The following KDM4B variants were observed in gnomAD, a reference collection of about 807,000 sequenced individuals.
The protein encoded by KDM4B is lysine-specific demethylase 4B.
In KDM4B, 32 loss-of-function variants were observed where a neutral mutation model predicts 125.2. That is an observed-to-expected ratio of 0.26 (90% CI 0.19 to 0.34). The LOEUF is 0.34. KDM4B is among the 10% of genes least tolerant of loss of function. KDM4B has a pLI of 1.00. For missense variants in KDM4B, 1,190 were observed against 1,577.7 expected, an observed-to-expected ratio of 0.75 and a Z score of 4.16; for synonymous variants, 721 against 677.9, an observed-to-expected ratio of 1.06 and a Z score of -0.99.
intron 7 of KDM4B, 58 bp from the exon 8 acceptor site, chr19:5,077,309 C>T: frequency 1.4e-6 from 2 of 1,475,534 alleles, no homozygotes; most frequent in Middle Eastern, 1.7e-4. Flanking sequence ...GGGCAGCATC[C>T]TCGCTGACCC....
intron 9 of KDM4B, among the ~76,000 whole-genome samples, chr19:5,083,128 C>T (rs1431114451): frequency 3.3e-5 from 5 of 152,292 alleles, no homozygotes; most frequent in South Asian, 2.1e-4. Flanking sequence ...TGGTGATTCT[C>T]GTTCCTGGTC....
At chr19:5,079,761 C>T (rs1599571777) in intron 8 of KDM4B, among the ~76,000 whole-genome samples, 1 of 152,198 alleles carries the variant, frequency 6.6e-6, no homozygotes, top group Non-Finnish European at 1.5e-5. Flanking sequence ...GAGATGGGGT[C>T]TCACTCTGTT....
chr19:5,095,347 G>C (rs1220700461), intron 9 of KDM4B, among the ~76,000 whole-genome samples: 1 of 152,236 alleles, frequency 6.6e-6, no homozygotes, highest in African/African-American at 2.4e-5. Context: ...TAGGCCGGTG[G>C]CTGTGTCTTC....
At chr19:4,974,401 C>A (rs990002275) in intron 1 of KDM4B, among the ~76,000 whole-genome samples, 7 of 151,648 alleles carry the variant, frequency 4.6e-5, no homozygotes, top group Middle Eastern at 3.4e-3. Context: ...GACTCCATCT[C>A]AAAAATAAAT....
intron 11 of KDM4B, among the ~76,000 whole-genome samples, chr19:5,123,319 C>T (rs935344087): frequency 3.3e-5 from 5 of 152,232 alleles, no homozygotes; most frequent in South Asian, 4.1e-4. Flanking sequence ...AGGTGTCAGC[C>T]GGGCTGGCCC....
At chr19:5,024,067 G>A (rs904182780) in intron 2 of KDM4B, among the ~76,000 whole-genome samples, 2 of 152,030 alleles carry the variant, frequency 1.3e-5, no homozygotes, top group Admixed American at 1.3e-4. Flanking sequence ...TTTTTAAACC[G>A]ATTCTTTGTC....
intron 13 of KDM4B, among the ~76,000 whole-genome samples, chr19:5,132,769 C>T (rs940482354): frequency 6.6e-6 from 1 of 152,154 alleles, no homozygotes; most frequent in Non-Finnish European, 1.5e-5. Flanking sequence ...GGAGCATTTG[C>T]CTGTGAGACC....
At chr19:5,104,575 A>G (rs1253049285) in intron 9 of KDM4B, among the ~76,000 whole-genome samples, 1 of 152,018 alleles carries the variant, frequency 6.6e-6, no homozygotes, top group African/African-American at 2.4e-5. Flanking sequence ...TGAACCCGGC[A>G]AAGAGCAGGC....
chr19:5,101,799 G>A (rs754310688), intron 9 of KDM4B, among the ~76,000 whole-genome samples: 4 of 152,178 alleles, frequency 2.6e-5, no homozygotes, highest in Non-Finnish European at 5.9e-5. Flanking sequence ...GGCTGTTATG[G>A]GGGAGCCCAC....
intron 1 of KDM4B, among the ~76,000 whole-genome samples, chr19:5,003,482 AAAAT>A (rs1294870961): frequency 7.1e-6 from 1 of 140,260 alleles, no homozygotes; most frequent in East Asian, 2.6e-4. Context: ...ACTCTGTCTC[AAAAT>A]AAACAAACAA....
intron 7 of KDM4B, among the ~76,000 whole-genome samples, chr19:5,073,673 G>T (rs968102780): frequency 2.0e-5 from 3 of 152,240 alleles, no homozygotes; most frequent in Admixed American, 2.0e-4. Flanking sequence ...CCTCTCCCTG[G>T]AATGTGACCA....
chr19:5,026,495 C>T lies in KDM4B; in HGVS notation c.-25-6371C>T, dbSNP rs1053344863. On this transcript the variant is annotated intron_variant, in intron 2 of 22. Coordinates refer to ENST00000159111, the MANE Select transcript of KDM4B (RefSeq NM_015015.3). The stretch of plus-strand genomic sequence containing the variant: ...GCAGTGTCTGGCCTTCATTTGTCTT[C>T]GAAACTCTTGCTCGCCCCTCTGTGA... 5.3e-5 allele frequency among the ~76,000 whole-genome samples: 8 copies of T among 152,232 alleles called. No homozygotes were observed. In the East Asian group the frequency reaches 5.8e-4, roughly 11 times the overall value.
At chr19:5,053,610 T>A (rs2037300823) in intron 6 of KDM4B, among the ~76,000 whole-genome samples, 1 of 152,174 alleles carries the variant, frequency 6.6e-6, no homozygotes, top group African/African-American at 2.4e-5. Context: ...CAGCCCATGG[T>A]CCCTGGGAGC....
intron 6 of KDM4B, among the ~76,000 whole-genome samples, chr19:5,069,574 C>G (rs1186747149): frequency 1.3e-5 from 2 of 151,272 alleles, no homozygotes; most frequent in Non-Finnish European, 2.9e-5. Flanking sequence ...TCCCAAAGTG[C>G]TGGGATTAGA....
In KDM4B at chr19:5,114,345, C is replaced by A; in HGVS notation, c.1115+3527C>A. On this transcript the variant is annotated intron_variant, in intron 10 of 22. Coordinates refer to ENST00000159111, the MANE Select transcript of KDM4B (RefSeq NM_015015.3). The surrounding 1 kb of genome is among the most constrained non-coding windows in gnomAD (Gnocchi z 5.8). ...CCTACCCCTCCGAGCTCGGTGCTGC[C>A]TGTCCCCTCCTGCTCTGCCTTGGCC... 1.4e-6 allele frequency: 1 copy of A among 736,392 alleles called. No individual in the cohort carries two copies. The highest frequency in any genetic ancestry group is 6.5e-5 in the East Asian group (1 of 15,450). 45.6% of individuals were successfully genotyped at this position (736,392 alleles called of 1,614,324 possible).
intron 6 of KDM4B, among the ~76,000 whole-genome samples, chr19:5,065,894 C>T (rs545734494): frequency 3.3e-5 from 5 of 152,278 alleles, no homozygotes; most frequent in South Asian, 2.1e-4. Flanking sequence ...CAGCATCCCC[C>T]GGGCAGCTCT....
chr19:4,987,652 C>T (rs1027153589), intron 1 of KDM4B, among the ~76,000 whole-genome samples: 12 of 152,230 alleles, frequency 7.9e-5, no homozygotes, highest in South Asian at 2.1e-4. Flanking sequence ...GGGGCTTGTC[C>T]GGGATGGCAA....
At chr19:5,067,182 C>T (rs1328192036) in intron 6 of KDM4B, among the ~76,000 whole-genome samples, 1 of 152,168 alleles carries the variant, frequency 6.6e-6, no homozygotes, top group East Asian at 1.9e-4. Flanking sequence ...GCTCCGTGCT[C>T]GGAGAGCTTA....
At chr19:4,969,684 C>T (rs568407168) in intron 1 of KDM4B, among the ~76,000 whole-genome samples, 1 of 151,880 alleles carries the variant, frequency 6.6e-6, no homozygotes, top group East Asian at 2.0e-4. Flanking sequence ...CCTGGGTAAC[C>T]CCCGCCTGCG....
Sources: allele counts gnomAD v4.1 joint callset (sites outside exome capture counted in the v4.1 genomes callset), GRCh38; gene constraint gnomAD v4.1.1; non-coding constraint Gnocchi (gnomAD v3.1); transcripts MANE v1.5; gene names NCBI Gene and HGNC (gene_info 2026-07-23, HGNC 2026-07-21).